Variants in AMPH observed in about 807,000 individuals in gnomAD.
AMPH encodes the protein amphiphysin.
AMPH carries 49 observed loss-of-function variants against 99.1 expected under a neutral mutation model. The observed-to-expected ratio is 0.49, with a 90% CI of 0.39 to 0.63. The LOEUF (loss-of-function observed/expected upper bound fraction) is 0.63. AMPH is among the 20% of genes least tolerant of loss of function. The probability of loss-of-function intolerance (pLI) is 0.00; values close to 1 mark genes in which losing one functional copy is unlikely to be tolerated. For missense variants in AMPH, 759 were observed against 863.4 expected, an observed-to-expected ratio of 0.88 and a Z score of 1.52; for synonymous variants, 314 against 317.3, an observed-to-expected ratio of 0.99 and a Z score of 0.11.
chr7:38,558,775 C>T (rs190179422), intron 1 of AMPH, among the ~76,000 whole-genome samples: 15 of 152,318 alleles, frequency 9.8e-5, no homozygotes, highest in Admixed American at 3.9e-4. Context: ...TGCTGACACA[C>T]TGTACTCCGG....
intron 2 of AMPH, among the ~76,000 whole-genome samples, chr7:38,507,583 C>A (rs1434757342): frequency 2.0e-5 from 3 of 152,198 alleles, no homozygotes; most frequent in Non-Finnish European, 4.4e-5. Context: ...TGAAATTAAA[C>A]AAATTCTTAT....
intron 11 of AMPH, among the ~76,000 whole-genome samples, chr7:38,452,203 T>C (rs1038757855): frequency 6.6e-6 from 1 of 152,194 alleles, no homozygotes; most frequent in African/African-American, 2.4e-5. Context: ...TCTTCCCCCA[T>C]TAAGTGCATG....
At position 38,485,307 on chromosome 7, in the gene AMPH, C is replaced by T. The variant is rs956485692; in HGVS notation, c.396+5743G>A. ...AAAAGATATTCCATGCAAATGGTAA[C>T]CAGAAAAGATTAGGGATGGCTGTCC... On this transcript the variant is annotated intron_variant, in intron 5 of 20. Transcript: ENST00000356264. 6.6e-5 allele frequency among the ~76,000 whole-genome samples: 10 copies of T among 151,844 alleles called. 1 individual carries two copies. In the South Asian group the frequency reaches 1.9e-3, roughly 28 times the overall value.
chr7:38,543,139 C>T (rs936041576), intron 1 of AMPH, among the ~76,000 whole-genome samples: 3 of 151,352 alleles, frequency 2.0e-5, no homozygotes, highest in Non-Finnish European at 4.4e-5. Flanking sequence ...TGCTTGTGGT[C>T]TCAGCTACTT....
At chr7:38,612,559 A>G (rs985554948) in intron 1 of AMPH, among the ~76,000 whole-genome samples, 1 of 152,212 alleles carries the variant, frequency 6.6e-6, no homozygotes, top group Non-Finnish European at 1.5e-5. Context: ...TAGATTATCC[A>G]TATGAAAGAA....
intron 1 of AMPH, among the ~76,000 whole-genome samples, chr7:38,630,984 G>C (rs1794438833): frequency 6.6e-6 from 1 of 152,194 alleles, no homozygotes. Context: ...TGCCTGGCTT[G>C]GGGCCAGGAG....
At chr7:38,596,908 A>G (rs1420168992) in intron 1 of AMPH, among the ~76,000 whole-genome samples, 1 of 152,174 alleles carries the variant, frequency 6.6e-6, no homozygotes, top group Non-Finnish European at 1.5e-5. Flanking sequence ...TGACCTCTCA[A>G]ACACATGCAT....
At chr7:38,437,566 G>A (rs1786316133) in intron 11 of AMPH, among the ~76,000 whole-genome samples, 1 of 147,630 alleles carries the variant, frequency 6.8e-6, no homozygotes, top group African/African-American at 2.5e-5. Context: ...CAGATCAGGA[G>A]GTGAAGAGAT....
At chr7:38,415,446 A>G (rs1341597908) in intron 17 of AMPH, among the ~76,000 whole-genome samples, 4 of 152,310 alleles carry the variant, frequency 2.6e-5, no homozygotes, top group Admixed American at 1.3e-4. Flanking sequence ...CACAATGTGG[A>G]TTTTTGTTTT....
At position 38,384,206 on chromosome 7, in the gene AMPH, C is replaced by CAA. The variant is rs1297302958; in HGVS notation, c.*610_*611dup. 3 of 152,458 alleles carry CAA rather than the reference C, an allele frequency of 2.0e-5. No individual in the cohort carries two copies. Among genetic ancestry groups the CAA allele is most frequent in the African/African-American group, 7.2e-5 (3 of 41,418 alleles). 9.4% of individuals were successfully genotyped at this position (152,458 alleles called of 1,614,324 possible). On this transcript the variant is annotated 3_prime_UTR_variant, in exon 21 of 21. Coordinates refer to ENST00000356264, the MANE Select transcript of AMPH (RefSeq NM_001635.4). ...GCATGTATCAATGACAATTGAGAGGCAAAGAGCTACAATGGAAAGGAAAGA... is the reference window on the plus strand; with the variant it reads ...GCATGTATCAATGACAATTGAGAGGCAAAAAGAGCTACAATGGAAAGGAAAGA...
intron 5 of AMPH, among the ~76,000 whole-genome samples, chr7:38,481,248 G>C (rs535209382): frequency 6.6e-6 from 1 of 151,930 alleles, no homozygotes; most frequent in Non-Finnish European, 1.5e-5. Context: ...ACACACATTA[G>C]CTTTTTTTAA....
chr7:38,508,887 G>A (rs1039525743), intron 2 of AMPH, among the ~76,000 whole-genome samples: 4 of 152,158 alleles, frequency 2.6e-5, no homozygotes, highest in African/African-American at 9.7e-5. Flanking sequence ...GAGATTTAAT[G>A]AGGCCATAAT....
chr7:38,411,146 CTT>C (rs1301832406), intron 17 of AMPH, among the ~76,000 whole-genome samples: 1 of 152,152 alleles, frequency 6.6e-6, no homozygotes, highest in Non-Finnish European at 1.5e-5. Flanking sequence ...CAATTAATCT[CTT>C]TGTGTCCGTT....
At chr7:38,487,735 C>A (rs1409666339) in intron 5 of AMPH, among the ~76,000 whole-genome samples, 1 of 151,968 alleles carries the variant, frequency 6.6e-6, no homozygotes, top group African/African-American at 2.4e-5. Context: ...AGTAAACAGA[C>A]AACCTACAGA....
chr7:38,569,832 T>C (rs969479252), intron 1 of AMPH, among the ~76,000 whole-genome samples: 7 of 152,214 alleles, frequency 4.6e-5, no homozygotes, highest in Admixed American at 1.3e-4. Flanking sequence ...TGAGATATTA[T>C]GTATATGTTC....
At chr7:38,444,414 G>T (rs1786677610) in intron 11 of AMPH, among the ~76,000 whole-genome samples, 1 of 152,128 alleles carries the variant, frequency 6.6e-6, no homozygotes, top group Non-Finnish European at 1.5e-5. Context: ...CTAATCCAAT[G>T]ACTGGTGGCC....
intron 11 of AMPH, among the ~76,000 whole-genome samples, chr7:38,458,360 A>T (rs1438021954): frequency 6.6e-6 from 1 of 152,174 alleles, no homozygotes; most frequent in East Asian, 1.9e-4. Flanking sequence ...TCATTCTACA[A>T]GGCCAGCACT....
chr7:38,606,457 T>C (rs531323884), intron 1 of AMPH, among the ~76,000 whole-genome samples: 17 of 152,118 alleles, frequency 1.1e-4, no homozygotes, highest in Non-Finnish European at 1.6e-4. Flanking sequence ...AGCTATTTCA[T>C]ATAGGTGGAA....
chr7:38,523,060 ATC>A (rs1451566908), intron 2 of AMPH, among the ~76,000 whole-genome samples: 2 of 151,340 alleles, frequency 1.3e-5, no homozygotes, highest in East Asian at 3.9e-4. Context: ...GTGAGTGGCG[ATC>A]GCACCTCTGC....
Sources: gnomAD v4.1 joint callset for allele counts (sites outside exome capture counted in the v4.1 genomes callset) on GRCh38, gnomAD v4.1.1 for gene constraint, MANE v1.5 for transcripts, NCBI Gene and HGNC (gene_info 2026-07-23, HGNC 2026-07-21) for gene names.